Variants in PCDHA3 observed in about 807,000 individuals in gnomAD.
The protein encoded by PCDHA3 is protocadherin alpha 3.
A neutral mutation model predicts 62.2 loss-of-function variants in PCDHA3; 41 were observed. That is an observed-to-expected ratio of 0.66 (90% CI 0.51 to 0.86). The LOEUF (loss-of-function observed/expected upper bound fraction) is 0.86, where lower values mean the gene tolerates loss of function less well. Ranked by LOEUF, PCDHA3 falls within the 40% of genes least tolerant of loss-of-function variation. PCDHA3 has a pLI of 0.00. For missense variants in PCDHA3, 1,304 were observed against 1,241.2 expected, an observed-to-expected ratio of 1.05 and a Z score of -0.76; for synonymous variants, 640 against 555.4, an observed-to-expected ratio of 1.15 and a Z score of -2.14.
At chr5:140,989,101 A>G (rs1293454775) in intron 3 of PCDHA3, 1 of 152,216 alleles carries the variant, frequency 6.6e-6, no homozygotes, top group African/African-American at 2.4e-5. Flanking sequence ...AGGAGAAACA[A>G]CTTTTGAATA....
At chr5:140,827,274 G>A (rs1444530469) in intron 1 of PCDHA3, among the ~76,000 whole-genome samples, 2 of 152,192 alleles carry the variant, frequency 1.3e-5, no homozygotes, top group Admixed American at 6.5e-5. Context: ...TTTAGGAACA[G>A]CTGAAGAATC....
At chr5:140,954,221 T>C (rs1237648662) in intron 1 of PCDHA3, among the ~76,000 whole-genome samples, 2 of 152,252 alleles carry the variant, frequency 1.3e-5, no homozygotes, top group African/African-American at 4.8e-5. Flanking sequence ...TTTTTGCTAT[T>C]GTGAATAGTG....
rs2047281878 is a variant in PCDHA3, at chr5:140,862,273, A to T, written c.2394+58682A>T. On this transcript the variant is annotated intron_variant, in intron 1 of 3. Coordinates refer to ENST00000522353, the MANE Select transcript of PCDHA3 (RefSeq NM_018906.3). ...CCAGAGTTAGCAGTAAGTCACTATC[A>T]TTCCCTGTACAGGAGGACGCTCCAC... The T allele has an allele frequency of 1.2e-5, 3 of 240,916 alleles. No individual in the cohort carries two copies. In the South Asian group the frequency reaches 1.9e-4, roughly 15 times the overall value. 14.9% of individuals were successfully genotyped at this position (240,916 alleles called of 1,614,324 possible).
chr5:140,808,535 G>T (rs1554124622), intron 1 of PCDHA3: 1 of 1,614,180 alleles, frequency 6.2e-7, no homozygotes, highest in South Asian at 1.1e-5. Flanking sequence ...TGATGTGAAC[G>T]ACAACGCTCC....
In PCDHA3 at chr5:140,802,576, A is replaced by G. The variant is rs781885871; in HGVS notation, c.1379A>G (p.Tyr460Cys). 5.0e-6 allele frequency: 8 copies of G among 1,613,822 alleles called. No individual in the cohort carries two copies. Among genetic ancestry groups the G allele is most frequent in the Non-Finnish European group, 6.8e-6 (8 of 1,179,996 alleles). Reference protein sequence around the residue: ...DNAPAFSQSEYTVFVKENNPP... With the variant: ...DNAPAFSQSECTVFVKENNPP... ...GCGCCGGCATTCTCGCAGTCCGAGT[A>G]CACGGTGTTCGTGAAGGAGAACAAC... The change falls in exon 1 of 4, where the codon TAC (tyrosine) becomes TGC (cysteine). Residue 460 changes from tyrosine (Y) to cysteine (C), a missense_variant. Transcript: ENST00000522353.
At chr5:140,864,027 G>A (rs2048287135) in intron 1 of PCDHA3, 1 of 152,794 alleles carries the variant, frequency 6.5e-6, no homozygotes, top group Non-Finnish European at 1.5e-5. Flanking sequence ...TGGAAGTCTA[G>A]CCATCTTAAT....
At chr5:140,829,818 C>A (rs1554132278) in intron 1 of PCDHA3, 1 of 1,613,864 alleles carries the variant, frequency 6.2e-7, no homozygotes, top group Non-Finnish European at 8.5e-7. Context: ...ACTGGTGGTG[C>A]AGTGAGCGAG....
chr5:140,921,406 C>T (rs1436249655), intron 1 of PCDHA3, among the ~76,000 whole-genome samples: 8 of 152,092 alleles, frequency 5.3e-5, no homozygotes, highest in African/African-American at 1.9e-4. Flanking sequence ...CTAGATTTTC[C>T]TCTGTGCTGC....
chr5:140,843,493 A>T, intron 1 of PCDHA3: 1 of 1,595,930 alleles, frequency 6.3e-7, no homozygotes, highest in Non-Finnish European at 8.6e-7. Context: ...TGCGGTGCTC[A>T]GCACTGCCCA....
intron 1 of PCDHA3, among the ~76,000 whole-genome samples, chr5:140,963,050 G>C (rs2095732681): frequency 2.6e-5 from 4 of 152,030 alleles, no homozygotes; most frequent in Admixed American, 2.6e-4. Flanking sequence ...AGTCTATAAG[G>C]GTTTCTACAT....
chr5:140,851,794 T>A, intron 1 of PCDHA3: 1 of 954,488 alleles, frequency 1.0e-6, no homozygotes, highest in Non-Finnish European at 1.3e-6. Flanking sequence ...ATTCACTTGT[T>A]CTGTCAGTAA....
intron 3 of PCDHA3, among the ~76,000 whole-genome samples, chr5:140,989,611 A>G (rs2097350612): frequency 6.6e-6 from 1 of 152,232 alleles, no homozygotes. Flanking sequence ...ACTAAAAATG[A>G]AAGTCTGTCC....
intron 1 of PCDHA3, chr5:140,825,479 G>GT (rs1181440529): frequency 6.7e-6 from 1 of 149,750 alleles, no homozygotes; most frequent in Admixed American, 6.7e-5. Flanking sequence ...TTTTGCTCTT[G>GT]TTGCCCAAAC....
chr5:140,934,511 T>A (rs999288213), intron 1 of PCDHA3, among the ~76,000 whole-genome samples: 1 of 152,210 alleles, frequency 6.6e-6, no homozygotes, highest in African/African-American at 2.4e-5. Context: ...AAAGGGTCCA[T>A]AGACCACACT....
At chr5:140,976,523 C>T in intron 1 of PCDHA3, among the ~76,000 whole-genome samples, 1 of 151,724 alleles carries the variant, frequency 6.6e-6, no homozygotes. Flanking sequence ...TGCACACCAG[C>T]CTAAATGACA....
At chr5:140,968,818 T>C in intron 1 of PCDHA3, 1 of 1,614,188 alleles carries the variant, frequency 6.2e-7, no homozygotes, top group South Asian at 1.1e-5. Flanking sequence ...TGGATAGGGT[T>C]TCCAAAATCC....
chr5:140,993,754 A>G (rs1253767297), intron 3 of PCDHA3, among the ~76,000 whole-genome samples: 1 of 152,170 alleles, frequency 6.6e-6, no homozygotes, highest in African/African-American at 2.4e-5. Context: ...ACTTGCCATT[A>G]TATTACAATT....
In PCDHA3 at chr5:140,822,273, A is replaced by G. The variant is rs2150115074; in HGVS notation, c.2394+18682A>G. 5 of 1,614,260 alleles carry G rather than the reference A, an allele frequency of 3.1e-6. No homozygotes were observed. The East Asian group carries it at 1.1e-4, about 36-fold the overall frequency. On this transcript the variant is annotated intron_variant, in intron 1 of 3. Coordinates refer to ENST00000522353, the MANE Select transcript of PCDHA3 (RefSeq NM_018906.3). ...ATTTGGATATTGGAGCAAATGCACA[A>G]TTGAGATACAGGTTAAATCCAAACG...
At chr5:140,870,369 G>A (rs375892305) in intron 1 of PCDHA3, 117 of 1,614,088 alleles carry the variant, frequency 7.2e-5, no homozygotes, top group Admixed American at 2.3e-4. Context: ...CCTATGAACT[G>A]GTGGTGACTG....
Sources: allele counts gnomAD v4.1 joint callset (sites outside exome capture counted in the v4.1 genomes callset), GRCh38; gene constraint gnomAD v4.1.1; transcripts MANE v1.5; gene names NCBI Gene and HGNC (gene_info 2026-07-23, HGNC 2026-07-21).